CACNA1S: variants seen among roughly 807,000 people sequenced by gnomAD.
The protein encoded by CACNA1S is calcium voltage-gated channel subunit alpha1 S.
In CACNA1S, 126 loss-of-function variants were observed where a neutral mutation model predicts 207.4. The ratio of observed to expected loss-of-function variants is 0.61; its 90% CI spans 0.53 to 0.70. The LOEUF is 0.70. Ranked by LOEUF, CACNA1S falls within the 30% of genes least tolerant of loss-of-function variation. The pLI, the probability that CACNA1S is intolerant of heterozygous loss-of-function variation, is 0.00. For synonymous variants in CACNA1S, 960 were observed against 932.7 expected (o/e 1.03, Z -0.53); for missense variants, 2,349 against 2,422.8 (o/e 0.97, Z 0.64).
At chr1:201,061,816 AGTTGGTGG>A in intron 24 of CACNA1S, 120 bp downstream of exon 24, 1 of 1,044,676 alleles carries the variant, frequency 9.6e-7, no homozygotes, top group Non-Finnish European at 1.5e-6. Flanking sequence ...ACCATCAGAG[AGTTGGTGG>A]GTTTGTTGGA....
At chr1:201,044,260 C>T in intron 39 of CACNA1S, 68 bp downstream of exon 39, 1 of 1,601,644 alleles carries the variant, frequency 6.2e-7, no homozygotes. Context: ...GCTCCCAGCC[C>T]TCCTCTCTGT....
At chr1:201,074,413 G>C (rs1244483107) in intron 14 of CACNA1S, 93 bp downstream of exon 14, 1 of 788,900 alleles carries the variant, frequency 1.3e-6, no homozygotes, top group Non-Finnish European at 2.2e-6. Flanking sequence ...CAGGGACCCT[G>C]ATCATTGGGT....
Position 201,039,983 on chromosome 1 carries a change from C to T in CACNA1S, c.5470G>A (p.Glu1824Lys), listed in dbSNP as rs1660070423. Residue 1824 changes from glutamate (E) to lysine (K), a missense_variant, in exon 44 of 44, where the codon GAA (glutamate) becomes AAA (lysine). By Grantham distance (56) the Glu-to-Lys change is moderately conservative. Coordinates refer to ENST00000362061, the MANE Select transcript of CACNA1S (RefSeq NM_000069.3). ...LADACQMEPE[E>K]VEIMATELLK... Reference sequence around the variant, plus strand: ...AGCTCTGTTGCCATGATCTCCACTTCCTCTGGTTCCATTTGGCAGGCATCT... The same window carrying T: ...AGCTCTGTTGCCATGATCTCCACTTTCTCTGGTTCCATTTGGCAGGCATCT... The T allele has an allele frequency of 6.2e-7, 1 of 1,614,134 alleles. No individual in the cohort carries two copies. Among genetic ancestry groups the T allele is most frequent in the South Asian group, 1.1e-5 (1 of 91,092 alleles).
At position 201,085,473 on chromosome 1, in the gene CACNA1S, C is replaced by T. The variant is rs202245647; in HGVS notation, c.1113G>A (p.Thr371=). ...CCTCAACATCCATGACCTCGCCCTGCGTGATCCAGCTCATGTAGCCCCGAA... is the reference window on the plus strand; with the variant it reads ...CCTCAACATCCATGACCTCGCCCTGTGTGATCCAGCTCATGTAGCCCCGAA... ...EDLRGYMSWI[T]QGEVMDVEDF... The change falls in exon 8 of 44, where the codon ACG becomes ACA. Residue 371 remains threonine (T), a synonymous_variant. Transcript: ENST00000362061. The T allele has an allele frequency of 1.9e-5, 30 of 1,613,130 alleles. No homozygotes were observed. The highest frequency in any genetic ancestry group is 5.4e-5 in the African/African-American group (4 of 74,566).
Position 201,066,294 on chromosome 1 carries a change from T to G in CACNA1S, c.2680A>C (p.Lys894Gln). Residue 894 changes from lysine to glutamine, a missense_variant, in exon 21 of 44, where the codon AAG (lysine) becomes CAG (glutamine). Physicochemically the swap from Lys to Gln is moderately conservative, Grantham distance 53. Transcript: ENST00000362061. This position sits in a 1 kb window ranked among gnomAD's most constrained non-coding sequence, Gnocchi z 4.3. ...AGCACCCTCAGCACCCTCAGGATCT[T>G]CACCACGGAGATGGCACTGGACCTG... The part of the protein sequence containing the change: ...GLESSAISVV[K>Q]ILRVLRVLRP... 6.2e-7 allele frequency: 1 copy of G among 1,612,458 alleles called. No homozygotes were observed. Among genetic ancestry groups the G allele is most frequent in the Non-Finnish European group, 8.5e-7 (1 of 1,179,912 alleles).
In CACNA1S at chr1:201,053,736, T is replaced by A; in HGVS notation, c.3667-149A>T. On this transcript the variant is annotated intron_variant, in intron 29 of 43. Transcript: ENST00000362061. The surrounding 1 kb of genome is among the most constrained non-coding windows in gnomAD (Gnocchi z 5.1). Reference sequence around the variant, plus strand: ...CCCGCCTCTGGCCCCTGCTGTCCACTAGTTCGGGACCATCCTTGGGCACAG... The same window carrying A: ...CCCGCCTCTGGCCCCTGCTGTCCACAAGTTCGGGACCATCCTTGGGCACAG... The A allele has an allele frequency of 1.2e-6, 1 of 817,074 alleles. No individual in the cohort carries two copies. The highest frequency in any genetic ancestry group is 2.0e-6 in the Non-Finnish European group (1 of 507,898). The allele number at this position is 817,074 out of a possible 1,614,324, so 50.6% of individuals were successfully genotyped here.
chr1:201,061,460 T>C lies in CACNA1S; in HGVS notation c.3062A>G (p.Tyr1021Cys). Reference protein sequence around the residue: ...STFEGWPQLLYKAIDSNAEDV... With the variant: ...STFEGWPQLLCKAIDSNAEDV... ...CTCCGCATTGGAGTCTATGGCCTTG[T>C]ACAGCAGCCTGGGGGTGGGCAGAGA... Residue 1021 changes from tyrosine to cysteine, a missense_variant, in exon 25 of 44, where the codon TAC becomes TGC. Physicochemically the swap from Tyr to Cys is radical, Grantham distance 194 (BLOSUM62 -2). Coordinates refer to ENST00000362061, the MANE Select transcript of CACNA1S (RefSeq NM_000069.3). 6.2e-7 allele frequency: 1 copy of C among 1,613,980 alleles called. No homozygotes were observed. The highest frequency in any genetic ancestry group is 1.1e-5 in the South Asian group (1 of 91,076).
At chr1:201,041,354 T>C in intron 41 of CACNA1S, 150 bp downstream of exon 41, 1 of 708,240 alleles carries the variant, frequency 1.4e-6, no homozygotes, top group Non-Finnish European at 2.6e-6. Context: ...CCTGATGGTT[T>C]TCCCATTCCA....
chr1:201,043,604 GTGGTAT>G, intron 39 of CACNA1S, 73 bp from the exon 40 acceptor site: 1 of 1,350,646 alleles, frequency 7.4e-7, no homozygotes, highest in Non-Finnish European at 1.1e-6. Flanking sequence ...CTCTGGGACA[GTGGTAT>G]TGGGAACAAG....
intron 2 of CACNA1S, among the ~76,000 whole-genome samples, chr1:201,103,257 A>AT (rs1182371613): frequency 6.6e-6 from 1 of 151,796 alleles, no homozygotes; most frequent in South Asian, 2.1e-4. Flanking sequence ...AAAAAAAAAA[A>AT]AAAGAAAGAA....
At chr1:201,089,896 G>T (rs572753967) in intron 5 of CACNA1S, among the ~76,000 whole-genome samples, 1 of 152,344 alleles carries the variant, frequency 6.6e-6, no homozygotes, top group South Asian at 2.1e-4. Flanking sequence ...AAAGCACTGG[G>T]CTGAGCTTTA....
intron 7 of CACNA1S, among the ~76,000 whole-genome samples, 157 bp downstream of exon 7, chr1:201,087,669 C>G (rs568737079): frequency 6.6e-6 from 1 of 152,032 alleles, no homozygotes; most frequent in Non-Finnish European, 1.5e-5. Context: ...CAGCCCCCTG[C>G]CCTGCTCCAC....
chr1:201,070,421 A>T lies in CACNA1S; in HGVS notation c.2228-17T>A, dbSNP rs1661407666. On this transcript the variant is annotated splice_polypyrimidine_tract_variant and intron_variant, in intron 16 of 43. Coordinates refer to ENST00000362061, the MANE Select transcript of CACNA1S (RefSeq NM_000069.3). ...CGTCATCCCCTGTGGGGAGAGAGAG[A>T]GGAATTAGGGGTGTCTTCCCATGCT... 1.9e-6 allele frequency: 3 copies of T among 1,613,122 alleles called. No homozygotes were observed. The highest frequency in any genetic ancestry group is 2.5e-6 in the Non-Finnish European group (3 of 1,179,876).
At chr1:201,075,405 T>G (rs1476346114) in intron 13 of CACNA1S, 90 bp downstream of exon 13, 1 of 1,554,792 alleles carries the variant, frequency 6.4e-7, no homozygotes, top group Non-Finnish European at 8.8e-7. Flanking sequence ...CCTGGCTACC[T>G]AGAAACTGGA....
In CACNA1S at chr1:201,048,959, T is replaced by C. The variant is rs1360796354; in HGVS notation, c.4338+44A>G. On this transcript the variant is annotated intron_variant, in intron 35 of 43. Coordinates refer to ENST00000362061, the MANE Select transcript of CACNA1S (RefSeq NM_000069.3). Reference sequence around the variant, plus strand: ...ACCAGTTTCCCTCTGCCTCAGTGACTCTTCCCCTCCCTGGGGCCACCCATC... The same window carrying C: ...ACCAGTTTCCCTCTGCCTCAGTGACCCTTCCCCTCCCTGGGGCCACCCATC... 2.7e-6 allele frequency: 4 copies of C among 1,473,560 alleles called. No homozygotes were observed. In the Admixed American group the frequency reaches 5.1e-5, roughly 19 times the overall value. The allele number at this position is 1,473,560 out of a possible 1,614,324, so 91.3% of individuals were successfully genotyped here. A position where few individuals can be genotyped will look rare whatever the true frequency, so the allele number is the denominator to read the frequency against.
rs1174983433 is a variant in CACNA1S at position 201,066,435 on chromosome 1, T to C, written c.2658-119A>G. ...CAGCTGCCTTTCTGCCTGAAAACAC[T>C]CCCACCTTCCCCTTCCCTTTCCTCC... On this transcript the variant is annotated intron_variant, in intron 20 of 43. Coordinates refer to ENST00000362061, the MANE Select transcript of CACNA1S (RefSeq NM_000069.3). The surrounding 1 kb of genome is among the most constrained non-coding windows in gnomAD (Gnocchi z 4.3). 10 of 846,358 alleles carry C rather than the reference T, an allele frequency of 1.2e-5. No homozygotes were observed. Among genetic ancestry groups the C allele is most frequent in the Non-Finnish European group, 1.6e-5 (8 of 506,056 alleles). The allele number at this position is 846,358 out of a possible 1,614,324, so 52.4% of individuals were successfully genotyped here.
intron 12 of CACNA1S, 35 bp downstream of exon 12, chr1:201,076,885 G>A (rs547640033): frequency 2.5e-5 from 39 of 1,581,912 alleles, no homozygotes; most frequent in South Asian, 4.4e-5. Context: ...TTCAGCAACC[G>A]TTCAGAAGGA....
At chr1:201,054,614 G>C (rs1272761213) in intron 28 of CACNA1S, 53 bp from the exon 29 acceptor site, 21 of 1,468,598 alleles carry the variant, frequency 1.4e-5, no homozygotes, top group Non-Finnish European at 2.0e-5. Context: ...GAGGAGGAGG[G>C]ACATGTGGGA....
At chr1:201,101,660 A>G (rs1662672384) in intron 2 of CACNA1S, among the ~76,000 whole-genome samples, 1 of 152,154 alleles carries the variant, frequency 6.6e-6, no homozygotes, top group Non-Finnish European at 1.5e-5. Flanking sequence ...CTGATGCCCA[A>G]AGTTTGTGCT....
Sources: gnomAD v4.1 joint callset for allele counts (sites outside exome capture counted in the v4.1 genomes callset) on GRCh38, gnomAD v4.1.1 for gene constraint, Gnocchi (gnomAD v3.1) non-coding constraint, MANE v1.5 for transcripts, NCBI Gene and HGNC (gene_info 2026-07-23, HGNC 2026-07-21) for gene names.